SCAPER: variants seen among roughly 807,000 people sequenced by gnomAD.
The protein encoded by SCAPER is S phase cyclin A-associated protein in the endoplasmic reticulum.
Under a neutral mutation model 182.2 loss-of-function variants are expected in SCAPER, and 98 were observed. That is an observed-to-expected ratio of 0.54 (90% CI 0.46 to 0.64). The LOEUF is 0.64. Among genes scored for constraint, SCAPER ranks in the 30% least tolerant of loss-of-function variants. The probability of loss-of-function intolerance (pLI) is 0.00; values close to 1 mark genes in which losing one functional copy is unlikely to be tolerated. For synonymous variants in SCAPER, 605 were observed against 564.6 expected, an observed-to-expected ratio of 1.07 and a Z score of -1.01; for missense variants, 1,432 against 1,690.0, an observed-to-expected ratio of 0.85 and a Z score of 2.68.
intron 15 of SCAPER, 92 bp downstream of exon 15, chr15:76,753,716 A>T (rs1208819081): frequency 3.6e-6 from 5 of 1,386,458 alleles, no homozygotes; most frequent in Non-Finnish European, 4.9e-6. Flanking sequence ...CAGAATAAAC[A>T]TTGGATAAAC....
chr15:76,435,315 T>G (rs1330142691), intron 25 of SCAPER, among the ~76,000 whole-genome samples: 1 of 152,258 alleles, frequency 6.6e-6, no homozygotes, highest in African/African-American at 2.4e-5. Flanking sequence ...CTAATCTACT[T>G]AATATTTACC....
intron 5 of SCAPER, among the ~76,000 whole-genome samples, chr15:76,831,864 G>C (rs2068518707): frequency 1.3e-5 from 2 of 152,142 alleles, no homozygotes; most frequent in Admixed American, 6.5e-5. Flanking sequence ...CCACAGCACA[G>C]GAGTGCTGTG....
At chr15:76,404,819 G>A (rs1006420896) in intron 26 of SCAPER, 140 bp from the exon 27 acceptor site, 3 of 661,638 alleles carry the variant, frequency 4.5e-6, no homozygotes, top group Non-Finnish European at 6.7e-6. Context: ...AGCATCTCAA[G>A]TAACAATTTC....
rs72738882 is a variant in SCAPER at position 76,690,612 on chromosome 15, T to C, written c.2508+11146A>G. On this transcript the variant is annotated intron_variant, in intron 20 of 31. Transcript: ENST00000563290. Reference sequence around the variant, plus strand: ...CAGGGGAAACTGTGCAAAGGGTATATAGAAATTCTACTATCTTTACAGCTT... The same window carrying C: ...CAGGGGAAACTGTGCAAAGGGTATACAGAAATTCTACTATCTTTACAGCTT... Among the ~76,000 whole-genome samples, 883 of 152,254 alleles carry C rather than the reference T, an allele frequency of 5.8e-3. 3 individuals are homozygous for C. The highest frequency in any genetic ancestry group is 8.2e-3 in the Non-Finnish European group (558 of 67,992).
chr15:76,516,215 A>AT, intron 23 of SCAPER, among the ~76,000 whole-genome samples: 1 of 151,464 alleles, frequency 6.6e-6, no homozygotes, highest in Non-Finnish European at 1.5e-5. Context: ...CTTTTAAAAA[A>AT]TTTTTTAAAT....
chr15:76,852,560 GAAACT>G (rs2070865732), intron 4 of SCAPER, among the ~76,000 whole-genome samples: 1 of 152,156 alleles, frequency 6.6e-6, no homozygotes, highest in Admixed American at 6.5e-5. Context: ...TGCAACACAT[GAAACT>G]AAACAACATG....
At chr15:76,392,425 C>G (rs1161708272) in intron 27 of SCAPER, among the ~76,000 whole-genome samples, 1 of 152,150 alleles carries the variant, frequency 6.6e-6, no homozygotes, top group East Asian at 1.9e-4. Flanking sequence ...CATATGTGAA[C>G]AACAGGCTTT....
At chr15:76,773,259 C>G (rs2063566043) in intron 9 of SCAPER, among the ~76,000 whole-genome samples, 1 of 151,712 alleles carries the variant, frequency 6.6e-6, no homozygotes, top group African/African-American at 2.4e-5. Flanking sequence ...GTGAAGAAAA[C>G]AAATATCATT....
chr15:76,620,493 T>G (rs560942042), intron 22 of SCAPER, among the ~76,000 whole-genome samples: 2 of 152,352 alleles, frequency 1.3e-5, no homozygotes, highest in East Asian at 3.9e-4. Context: ...TAATGTTTTA[T>G]ATGGATTTAT....
chr15:76,824,132 A>ATAGTCACTG (rs2067798886), intron 5 of SCAPER, among the ~76,000 whole-genome samples: 1 of 152,242 alleles, frequency 6.6e-6, no homozygotes, highest in African/African-American at 2.4e-5. Context: ...GAGCAACCTC[A>ATAGTCACTG]TAGTCACTGA....
At chr15:76,900,524 CA>C (rs2074724057) in intron 1 of SCAPER, among the ~76,000 whole-genome samples, 1 of 151,926 alleles carries the variant, frequency 6.6e-6, no homozygotes, top group African/African-American at 2.4e-5. Flanking sequence ...AGGTGGTAAA[CA>C]GGGAATGAAC....
chr15:76,793,298 C>A (rs1008347625), intron 8 of SCAPER: 2 of 794,200 alleles, frequency 2.5e-6, no homozygotes, highest in African/African-American at 1.7e-5. Flanking sequence ...CTCCTAAAAT[C>A]TTTGGAATTC....
rs79064236 is a variant in SCAPER, at chr15:76,462,352, G to A, written c.3078+8860C>T. ...TTGTTGTCTGCAGGAGGGTCAGTCC[G>A]ATAGGAGCTTATTCATCCATAACTG... is the stretch of plus-strand genomic sequence containing the variant. On this transcript the variant is annotated intron_variant, in intron 25 of 31. Transcript: ENST00000563290. 9.0e-3 allele frequency among the ~76,000 whole-genome samples: 1,373 copies of A among 152,202 alleles called. 22 individuals are homozygous for A. The highest frequency in any genetic ancestry group is 0.032 in the African/African-American group (1,333 of 41,520).
At chr15:76,639,393 CT>C (rs1240961907) in intron 21 of SCAPER, among the ~76,000 whole-genome samples, 2 of 152,048 alleles carry the variant, frequency 1.3e-5, no homozygotes, top group Non-Finnish European at 2.9e-5. Context: ...CTTTTTTCCT[CT>C]TCAGTGGAAA....
At chr15:76,592,199 C>G (rs2049172693) in intron 22 of SCAPER, among the ~76,000 whole-genome samples, 1 of 151,390 alleles carries the variant, frequency 6.6e-6, no homozygotes, top group Non-Finnish European at 1.5e-5. Context: ...ATAGGTAATA[C>G]TTAGGAATGA....
chr15:76,587,950 C>T (rs1245839718), intron 22 of SCAPER, among the ~76,000 whole-genome samples: 1 of 150,328 alleles, frequency 6.7e-6, no homozygotes, highest in East Asian at 1.9e-4. Context: ...AAGACAGAGT[C>T]TTGCTCTGTC....
intron 29 of SCAPER, among the ~76,000 whole-genome samples, chr15:76,365,176 G>A (rs1431730664): frequency 6.6e-6 from 1 of 152,200 alleles, no homozygotes; most frequent in African/African-American, 2.4e-5. Context: ...GCCCCTGGCT[G>A]TGGATGTCAC....
rs1216409563 is a variant in SCAPER at position 76,795,342 on chromosome 15, G to A, written c.710C>T (p.Ser237Leu). ...KAHHTGSTASSEITPAQSCPP... is the reference protein window; with the variant it reads ...KAHHTGSTASLEITPAQSCPP... The stretch of plus-strand genomic sequence containing the variant: ...GCAAGACTGGGCGGGTGTTATTTCT[G>A]AAGAAGCAGTAGAGCCTGTATGATG... The change falls in exon 8 of 32, where the codon TCA (serine) becomes TTA (leucine). Residue 237 changes from serine (S) to leucine (L), a missense_variant. Around this residue, in one of 5 missense-constraint regions of SCAPER, gnomAD observed 480 missense variants for 510.2 expected, o/e 0.94. Transcript: ENST00000563290. 6 of 1,613,258 alleles carry A rather than the reference G, an allele frequency of 3.7e-6. No homozygotes were observed. The highest frequency in any genetic ancestry group is 5.1e-6 in the Non-Finnish European group (6 of 1,179,500).
chr15:76,821,672 C>T lies in SCAPER; in HGVS notation c.394-17039G>A, dbSNP rs1346953395. ...GGGGCCGGGCACGGTGGCTCACACCCGTAATCAAAGCACTTTGGGAGGCTG... is the reference window on the plus strand; with the variant it reads ...GGGGCCGGGCACGGTGGCTCACACCTGTAATCAAAGCACTTTGGGAGGCTG... On this transcript the variant is annotated intron_variant, in intron 5 of 31. Transcript: ENST00000563290. Among the ~76,000 whole-genome samples, 8 of 151,474 alleles carry T rather than the reference C, an allele frequency of 5.3e-5. No individual in the cohort carries two copies. In the East Asian group the frequency reaches 1.6e-3, roughly 30 times the overall value.
Sources: gnomAD v4.1 joint callset for allele counts (sites outside exome capture counted in the v4.1 genomes callset) on GRCh38, gnomAD v4.1.1 for gene constraint, gnomAD v4.1.1 regional missense constraint, MANE v1.5 for transcripts, NCBI Gene and HGNC (gene_info 2026-07-23, HGNC 2026-07-21) for gene names.